Variants in FMO3 observed in about 807,000 individuals in gnomAD.
FMO3 encodes flavin containing dimethylaniline monoxygenase 3, also known as flavin-containing monooxygenase 3.
In FMO3, 40 loss-of-function variants were observed where a neutral mutation model predicts 39.4. The observed-to-expected ratio is 1.02, with a 90% CI of 0.79 to 1.32. FMO3 has a LOEUF of 1.32. Ranked by LOEUF, FMO3 falls within the 40% of genes most tolerant of loss-of-function variation. FMO3 has a pLI of 0.00. For missense variants in FMO3, 680 were observed against 651.8 expected (o/e 1.04, Z -0.47); for synonymous variants, 219 against 228.8 (o/e 0.96, Z 0.39).
chr1:171,111,023 C>T lies in FMO3; in HGVS notation c.827+26C>T, dbSNP rs746388938. 2.0e-5 allele frequency: 31 copies of T among 1,587,186 alleles called. No homozygotes were observed. The East Asian group carries it at 6.9e-4, about 35-fold the overall frequency. Reference sequence around the variant, plus strand: ...GTAATGCAGAGCTAAACGTGATATGCCTGCTGGCTTTTAGTTCAGTGTCAA... The same window carrying T: ...GTAATGCAGAGCTAAACGTGATATGTCTGCTGGCTTTTAGTTCAGTGTCAA... On this transcript the variant is annotated intron_variant, in intron 6 of 8. Coordinates refer to ENST00000367755, the MANE Select transcript of FMO3 (RefSeq NM_001002294.3).
chr1:171,095,997 TTA>T (rs1654969241), intron 2 of FMO3, among the ~76,000 whole-genome samples: 3 of 70,402 alleles, frequency 4.3e-5, no homozygotes, highest in South Asian at 4.7e-4. Flanking sequence ...TTATATATTT[TTA>T]TATATTAATA....
In FMO3 at chr1:171,110,970, A is replaced by G; in HGVS notation, c.800A>G (p.Glu267Gly). 1.2e-6 allele frequency: 2 copies of G among 1,613,924 alleles called. No individual in the cohort carries two copies. The highest frequency in any genetic ancestry group is 1.7e-4 in the Middle Eastern group (1 of 6,030). Residue 267 changes from glutamate (E) to glycine (G), a missense_variant, in exon 6 of 9, where the codon GAA becomes GGA. Coordinates refer to ENST00000367755, the MANE Select transcript of FMO3 (RefSeq NM_001002294.3). ...VKQMNARFKH[E>G]NYGLMPLNGV... The stretch of plus-strand genomic sequence containing the variant: ...CAGATGAATGCAAGATTCAAGCATG[A>G]AAACTATGGCTTGATGCCTTTAAAT...
intron 2 of FMO3, among the ~76,000 whole-genome samples, chr1:171,095,562 T>C (rs897993169): frequency 6.6e-6 from 1 of 151,304 alleles, no homozygotes; most frequent in Non-Finnish European, 1.5e-5. Context: ...ATCAGTATTA[T>C]ATTATTTACC....
chr1:171,093,937 C>T (rs928689434), intron 2 of FMO3, among the ~76,000 whole-genome samples: 4 of 144,372 alleles, frequency 2.8e-5, no homozygotes, highest in African/African-American at 7.7e-5. Context: ...TGGGTTCAAA[C>T]GATTCTCCTA....
rs530183930 is a variant in FMO3 at position 171,096,881 on chromosome 1, C to T, written c.132+4091C>T. Among the ~76,000 whole-genome samples, 115 of 150,820 alleles carry T rather than the reference C, an allele frequency of 7.6e-4. 3 individuals are homozygous for T. In the East Asian group the frequency reaches 0.019, roughly 26 times the overall value. On this transcript the variant is annotated intron_variant, in intron 2 of 8. Transcript: ENST00000367755. ...TGTATACATGTGCCATGTTGGTGTG[C>T]GGCACCCATTAACTTGTCATTTAGC...
At position 171,110,789 on chromosome 1, in the gene FMO3, T is replaced by C. The variant is rs991339588; in HGVS notation, c.628-9T>C. ...CACTAATTTCATGGTTGAATTGGTG[T>C]TTTTTAAGGTCATGATCAGTTCCAG... On this transcript the variant is annotated splice_polypyrimidine_tract_variant and intron_variant, in intron 5 of 8. Coordinates refer to ENST00000367755, the MANE Select transcript of FMO3 (RefSeq NM_001002294.3). 4 of 1,613,388 alleles carry C rather than the reference T, an allele frequency of 2.5e-6. No individual in the cohort carries two copies. In the African/African-American group the frequency reaches 5.3e-5, roughly 22 times the overall value.
Position 171,111,003 on chromosome 1 carries a change from G to T in FMO3, c.827+6G>T, listed in dbSNP as rs752917120. On this transcript the variant is annotated splice_donor_region_variant and intron_variant, in intron 6 of 8. Transcript: ENST00000367755. Reference sequence around the variant, plus strand: ...GGCTTGATGCCTTTAAATGGGTAATGCAGAGCTAAACGTGATATGCCTGCT... The same window carrying T: ...GGCTTGATGCCTTTAAATGGGTAATTCAGAGCTAAACGTGATATGCCTGCT... The T allele has an allele frequency of 1.9e-6, 3 of 1,611,380 alleles. No individual in the cohort carries two copies. The highest frequency in any genetic ancestry group is 1.7e-6 in the Non-Finnish European group (2 of 1,178,022).
intron 7 of FMO3, among the ~76,000 whole-genome samples, chr1:171,115,920 G>A (rs1441514502): frequency 1.3e-5 from 2 of 152,128 alleles, no homozygotes; most frequent in Non-Finnish European, 2.9e-5. Flanking sequence ...ACCTCTGTTT[G>A]GCTATAATTT....
At chr1:171,105,245 A>G (rs981095687) in intron 3 of FMO3, among the ~76,000 whole-genome samples, 1 of 152,214 alleles carries the variant, frequency 6.6e-6, no homozygotes, top group Non-Finnish European at 1.5e-5. Context: ...AGAAACTTTC[A>G]GAGACTTGAA....
chr1:171,117,317 C>T lies in FMO3; in HGVS notation c.1474C>T (p.Arg492Trp), dbSNP rs72549334. 2.8e-4 allele frequency: 453 copies of T among 1,613,882 alleles called. 1 individual carries two copies. The highest frequency in any genetic ancestry group is 3.6e-4 in the Non-Finnish European group (426 of 1,179,896). ...ARNAILTQWD[R>W]SLKPMQTRVV... is the part of the protein sequence containing the mutation. The stretch of plus-strand genomic sequence containing the variant: ...AAATGCCATACTGACCCAGTGGGAC[C>T]GGTCGTTGAAACCCATGCAGACACG... Residue 492 changes from arginine to tryptophan, a missense_variant, in exon 9 of 9, where the codon CGG becomes TGG. By Grantham distance (101) the Arg-to-Trp change is moderately radical. Transcript: ENST00000367755.
At chr1:171,098,383 T>A (rs1428844143) in intron 2 of FMO3, among the ~76,000 whole-genome samples, 1 of 152,228 alleles carries the variant, frequency 6.6e-6, no homozygotes, top group African/African-American at 2.4e-5. Context: ...CCTTGGGCAG[T>A]ATGGCCATTT....
At chr1:171,096,035 ATATATTATATATAAATAT>A (rs1654987645) in intron 2 of FMO3, among the ~76,000 whole-genome samples, 1 of 65,130 alleles carries the variant, frequency 1.5e-5, no homozygotes, top group South Asian at 5.7e-4. Context: ...AATATATAAT[ATATATTATATATAAATAT>A]ATAATATATA....
In FMO3 at chr1:171,114,344, G is replaced by A. The variant is rs1351220508; in HGVS notation, c.1165G>A (p.Ala389Thr). Residue 389 changes from alanine to threonine, a missense_variant, in exon 7 of 9, where the codon GCA becomes ACA. Physicochemically the swap from Ala to Thr is moderately conservative, Grantham distance 58. Transcript: ENST00000367755. Reference sequence around the variant, plus strand: ...CACAGTTGACCTCCAGTCCCGCTGGGCAGCACAAGTAATAAAGGGTAAGTC... The same window carrying A: ...CACAGTTGACCTCCAGTCCCGCTGGACAGCACAAGTAATAAAGGGTAAGTC... Reference protein sequence around the residue: ...IPTVDLQSRWAAQVIKGTCTL... With the variant: ...IPTVDLQSRWTAQVIKGTCTL... 8.1e-6 allele frequency: 13 copies of A among 1,613,208 alleles called. No homozygotes were observed. Among genetic ancestry groups the A allele is most frequent in the South Asian group, 2.2e-5 (2 of 91,052 alleles).
Position 171,117,526 on chromosome 1 carries a change from C to G in FMO3, c.*84C>G. On this transcript the variant is annotated 3_prime_UTR_variant, in exon 9 of 9. Transcript: ENST00000367755. Reference sequence around the variant, plus strand: ...TATTTAAAAATTAAAATTTTCACACCACCTGCTTTTCTATTCAGCATCTTT... The same window carrying G: ...TATTTAAAAATTAAAATTTTCACACGACCTGCTTTTCTATTCAGCATCTTT... The G allele has an allele frequency of 9.9e-7, 1 of 1,013,012 alleles. No individual in the cohort carries two copies. The highest frequency in any genetic ancestry group is 1.5e-6 in the Non-Finnish European group (1 of 674,844). The allele number at this position is 1,013,012 out of a possible 1,614,324, so 62.8% of individuals were successfully genotyped here.
At chr1:171,091,495 G>C (rs1654701432) in intron 1 of FMO3, among the ~76,000 whole-genome samples, 1 of 152,086 alleles carries the variant, frequency 6.6e-6, no homozygotes, top group Admixed American at 6.6e-5. Flanking sequence ...ACAGTGTCAG[G>C]AACAGAAAAA....
chr1:171,113,989 T>C lies in FMO3; in HGVS notation c.828-18T>C. The stretch of plus-strand genomic sequence containing the variant: ...GGAAATATTACACTTCCAATAATTG[T>C]CTCTGTTTTCCATACAGAGTCCTGA... On this transcript the variant is annotated intron_variant, in intron 6 of 8. Transcript: ENST00000367755. The C allele has an allele frequency of 6.8e-7, 1 of 1,461,112 alleles. No individual in the cohort carries two copies. Among genetic ancestry groups the C allele is most frequent in the South Asian group, 1.2e-5 (1 of 85,434 alleles). 90.5% of individuals were successfully genotyped at this position (1,461,112 alleles called of 1,614,324 possible). A position where few individuals can be genotyped will look rare whatever the true frequency, so the allele number is the denominator to read the frequency against.
chr1:171,101,072 A>G (rs1460473866), intron 2 of FMO3: 1 of 455,864 alleles, frequency 2.2e-6, no homozygotes. Context: ...ATCTTTGATG[A>G]TGGCCAGAGG....
At chr1:171,099,373 A>G (rs1655252351) in intron 2 of FMO3, among the ~76,000 whole-genome samples, 2 of 152,164 alleles carry the variant, frequency 1.3e-5, no homozygotes, top group African/African-American at 4.8e-5. Flanking sequence ...ATCTTATACA[A>G]TGTTGTGGAG....
At chr1:171,096,083 A>AT (rs1441181470) in intron 2 of FMO3, among the ~76,000 whole-genome samples, 2 of 79,946 alleles carry the variant, frequency 2.5e-5, no homozygotes, top group African/African-American at 1.0e-4. Context: ...AATATATAAT[A>AT]TATATTAATA....
Sources: gnomAD v4.1 joint callset for allele counts (sites outside exome capture counted in the v4.1 genomes callset) on GRCh38, gnomAD v4.1.1 for gene constraint, MANE v1.5 for transcripts, NCBI Gene and HGNC (gene_info 2026-07-23, HGNC 2026-07-21) for gene names.